MALRD1: variants seen among roughly 807,000 people sequenced by gnomAD.
MALRD1 encodes MAM and LDL receptor class A domain containing 1, also known as MAM and LDL-receptor class A domain-containing protein 1.
MALRD1 carries 247 observed loss-of-function variants against 242.1 expected under a neutral mutation model. The ratio of observed to expected loss-of-function variants is 1.02; its 90% CI spans 0.92 to 1.13. The LOEUF is 1.13. Among genes scored for constraint, MALRD1 ranks in the 50% most tolerant of loss-of-function variants. The pLI, the probability that MALRD1 is intolerant of heterozygous loss-of-function variation, is 0.00. For synonymous variants in MALRD1, 995 were observed against 866.6 expected (o/e 1.15, Z -2.60); for missense variants, 2,989 against 2,533.1 (o/e 1.18, Z -3.86).
chr10:19,612,391 C>A (rs1838941430), intron 35 of MALRD1, among the ~76,000 whole-genome samples: 1 of 151,834 alleles, frequency 6.6e-6, no homozygotes, highest in Non-Finnish European at 1.5e-5. Flanking sequence ...TAAGGGAGGG[C>A]AAGATGGGAA....
chr10:19,266,148 G>GC (rs1839965800), intron 19 of MALRD1, among the ~76,000 whole-genome samples: 1 of 148,178 alleles, frequency 6.7e-6, no homozygotes, highest in African/African-American at 2.5e-5. Flanking sequence ...ATTGGATATT[G>GC]TTTTTTTTTT....
At chr10:19,368,921 G>GTA (rs1452601571) in intron 26 of MALRD1, among the ~76,000 whole-genome samples, 2,244 of 146,828 alleles carry the variant, frequency 0.015, 25 homozygotes, top group East Asian at 0.046. Context: ...GTGTGTGTGT[G>GTA]TATGTAATTT....
intron 21 of MALRD1, among the ~76,000 whole-genome samples, chr10:19,293,095 A>G (rs1403858892): frequency 1.3e-5 from 2 of 152,158 alleles, no homozygotes; most frequent in African/African-American, 4.8e-5. Flanking sequence ...TTCTCTGGTA[A>G]GAAGATAAGC....
At chr10:19,701,364 T>C (rs1222478654) in intron 38 of MALRD1, among the ~76,000 whole-genome samples, 2 of 152,106 alleles carry the variant, frequency 1.3e-5, no homozygotes, top group African/African-American at 4.8e-5. Flanking sequence ...CGGATAGTTC[T>C]GGGGAATCAT....
chr10:19,191,489 G>C (rs1835973174), intron 14 of MALRD1, among the ~76,000 whole-genome samples: 1 of 151,770 alleles, frequency 6.6e-6, no homozygotes, highest in Admixed American at 6.6e-5. Context: ...TCCAGTTTTG[G>C]GTATATACTC....
intron 18 of MALRD1, among the ~76,000 whole-genome samples, chr10:19,238,500 TATA>T (rs1202207389): frequency 2.2e-4 from 12 of 54,124 alleles, no homozygotes; most frequent in Admixed American, 3.6e-4. Context: ...TAATATATAA[TATA>T]ATATATAATG....
At position 19,163,618 on chromosome 10, in the gene MALRD1, G is replaced by A. The variant is rs145441315; in HGVS notation, c.1657-2019G>A. Among the ~76,000 whole-genome samples the A allele has an allele frequency of 1.8e-3, 278 of 152,220 alleles. 2 individuals carry two copies. The highest frequency in any genetic ancestry group is 6.3e-3 in the African/African-American group (262 of 41,542). On this transcript the variant is annotated intron_variant, in intron 12 of 39. Coordinates refer to ENST00000454679, the MANE Select transcript of MALRD1 (RefSeq NM_001142308.3). Reference sequence around the variant, plus strand: ...GTCCCCGTGACACGTGTTTGCCTATGTAACAAATCTTCACATGTACCCCTG... The same window carrying A: ...GTCCCCGTGACACGTGTTTGCCTATATAACAAATCTTCACATGTACCCCTG...
At chr10:19,115,974 G>A (rs745519497) in intron 5 of MALRD1, among the ~76,000 whole-genome samples, 2 of 152,082 alleles carry the variant, frequency 1.3e-5, no homozygotes, top group South Asian at 2.1e-4. Context: ...TTGCAAGTTG[G>A]ACAATAAAAC....
intron 38 of MALRD1, among the ~76,000 whole-genome samples, chr10:19,693,449 A>G (rs1419447543): frequency 1.3e-5 from 2 of 152,190 alleles, no homozygotes; most frequent in East Asian, 3.9e-4. Context: ...ACAGAGAGCC[A>G]AATCATGAGT....
Position 19,124,627 on chromosome 10 carries a change from A to T in MALRD1, c.900A>T (p.Ala300=), listed in dbSNP as rs1400301589. 4 of 1,233,868 alleles carry T rather than the reference A, an allele frequency of 3.2e-6. No homozygotes were observed. The highest frequency in any genetic ancestry group is 4.2e-5 in the Admixed American group (1 of 23,710). The allele number at this position is 1,233,868 out of a possible 1,614,324, so 76.4% of individuals were successfully genotyped here. The part of the protein sequence containing the change: ...WMRTKAREIP[A]FESTPQQDQG... ...GCACAAAAGCGAGAGAGATCCCTGC[A>T]TTCGAATCCACACCTCAGCAGGATC... The change falls in exon 7 of 40, where the codon GCA becomes GCT. Residue 300 remains alanine (A), a synonymous_variant. Coordinates refer to ENST00000454679, the MANE Select transcript of MALRD1 (RefSeq NM_001142308.3).
At chr10:19,343,085 C>T (rs1267844396) in intron 24 of MALRD1, among the ~76,000 whole-genome samples, 1 of 151,868 alleles carries the variant, frequency 6.6e-6, no homozygotes, top group East Asian at 1.9e-4. Flanking sequence ...CACAAATATG[C>T]CCTTTATAGG....
intron 38 of MALRD1, among the ~76,000 whole-genome samples, chr10:19,693,169 C>G (rs913601207): frequency 7.9e-5 from 12 of 151,884 alleles, no homozygotes; most frequent in South Asian, 2.1e-4. Flanking sequence ...TGGCACAGGA[C>G]AGGGATGCCC....
chr10:19,109,285 C>T (rs1048715167), intron 5 of MALRD1, among the ~76,000 whole-genome samples: 11 of 152,050 alleles, frequency 7.2e-5, no homozygotes, highest in African/African-American at 2.4e-4. Flanking sequence ...ACCTCCCTGT[C>T]GGGGACAGAA....
At chr10:19,305,863 CTATATAT>C (rs922794718) in intron 21 of MALRD1, among the ~76,000 whole-genome samples, 54 of 126,214 alleles carry the variant, frequency 4.3e-4, no homozygotes, top group Admixed American at 1.3e-3. Flanking sequence ...ATATACTATA[CTATATAT>C]TATATAATAT....
intron 26 of MALRD1, among the ~76,000 whole-genome samples, chr10:19,362,588 A>C (rs1844938311): frequency 6.6e-6 from 1 of 152,096 alleles, no homozygotes; most frequent in Non-Finnish European, 1.5e-5. Flanking sequence ...AGAAGAGGCC[A>C]ATGTAGCTGA....
At chr10:19,508,909 G>A (rs555984486) in intron 31 of MALRD1, among the ~76,000 whole-genome samples, 2 of 152,234 alleles carry the variant, frequency 1.3e-5, no homozygotes, top group African/African-American at 2.4e-5. Flanking sequence ...AGCCATCCCT[G>A]TATAACTTTG....
chr10:19,601,573 T>A (rs1052863096), intron 34 of MALRD1, among the ~76,000 whole-genome samples: 1 of 152,086 alleles, frequency 6.6e-6, no homozygotes, highest in Admixed American at 6.6e-5. Context: ...AGTTTTTAAC[T>A]ATCTAAACGG....
chr10:19,620,996 C>CAA (rs71388854), intron 36 of MALRD1, among the ~76,000 whole-genome samples: 11 of 135,238 alleles, frequency 8.1e-5, no homozygotes, highest in South Asian at 2.3e-4. Context: ...GAGCAACTAC[C>CAA]AAAAAAAAAA....
At chr10:19,473,403 C>G (rs1242115990) in intron 29 of MALRD1, among the ~76,000 whole-genome samples, 1 of 151,956 alleles carries the variant, frequency 6.6e-6, no homozygotes, top group Non-Finnish European at 1.5e-5. Context: ...CATTGTTCAA[C>G]CATCACCATC....
Sources: allele counts gnomAD v4.1 joint callset (sites outside exome capture counted in the v4.1 genomes callset), GRCh38; gene constraint gnomAD v4.1.1; transcripts MANE v1.5; gene names NCBI Gene and HGNC (gene_info 2026-07-23, HGNC 2026-07-21).